ADAM12: variants seen among roughly 807,000 people sequenced by gnomAD.
The protein encoded by ADAM12 is disintegrin and metalloproteinase domain-containing protein 12.
A neutral mutation model predicts 106.4 loss-of-function variants in ADAM12; 70 were observed. The ratio of observed to expected loss-of-function variants is 0.66; its 90% CI spans 0.54 to 0.80. The LOEUF (loss-of-function observed/expected upper bound fraction) is 0.80, where lower values mean the gene tolerates loss of function less well. ADAM12 is among the 30% of genes least tolerant of loss of function. The pLI, the probability that ADAM12 is intolerant of heterozygous loss-of-function variation, is 0.00. For missense variants in ADAM12, 1,010 were observed against 1,171.9 expected (o/e 0.86, Z 2.02); for synonymous variants, 420 against 433.5 (o/e 0.97, Z 0.39).
At chr10:126,280,803 C>T (rs1959537608) in intron 2 of ADAM12, among the ~76,000 whole-genome samples, 1 of 152,118 alleles carries the variant, frequency 6.6e-6, no homozygotes, top group South Asian at 2.1e-4. Context: ...TCTGGGTTTA[C>T]ACAGGCCTTG....
intron 21 of ADAM12, among the ~76,000 whole-genome samples, chr10:126,024,861 AAGC>A (rs1460668189): frequency 1.3e-3 from 199 of 151,776 alleles, no homozygotes; most frequent in African/African-American, 4.7e-3. Context: ...CAAAAAAAAA[AAGC>A]AGGGTGAGGC....
intron 11 of ADAM12, among the ~76,000 whole-genome samples, chr10:126,086,249 A>C (rs1485703208): frequency 2.0e-5 from 3 of 152,266 alleles, no homozygotes; most frequent in East Asian, 3.9e-4. Flanking sequence ...CATAAAGCCC[A>C]GATGTGTTCA....
At chr10:126,352,154 C>T (rs1406428106) in intron 1 of ADAM12, among the ~76,000 whole-genome samples, 7 of 152,136 alleles carry the variant, frequency 4.6e-5, no homozygotes, top group Non-Finnish European at 1.0e-4. Flanking sequence ...CCCGTCAAGC[C>T]CTCTAATTAG....
At chr10:126,249,343 G>T (rs74430517) in intron 3 of ADAM12, among the ~76,000 whole-genome samples, 1 of 152,156 alleles carries the variant, frequency 6.6e-6, no homozygotes. Flanking sequence ...GGTGGTGATG[G>T]GGAGTGCATT....
At chr10:126,022,038 G>A (rs1953777108) in intron 21 of ADAM12, among the ~76,000 whole-genome samples, 1 of 152,196 alleles carries the variant, frequency 6.6e-6, no homozygotes, top group Non-Finnish European at 1.5e-5. Context: ...TGCTAAGTAT[G>A]ACTAAGCTGT....
Position 126,017,177 on chromosome 10 carries a change from A to T in ADAM12, c.*102T>A. 4 of 1,091,478 alleles carry T rather than the reference A, an allele frequency of 3.7e-6. No homozygotes were observed. Among genetic ancestry groups the T allele is most frequent in the South Asian group, 1.5e-5 (1 of 66,902 alleles). The allele number at this position is 1,091,478 out of a possible 1,614,324, so 67.6% of individuals were successfully genotyped here. On this transcript the variant is annotated 3_prime_UTR_variant, in exon 23 of 23. Coordinates refer to ENST00000448723, the MANE Select transcript of ADAM12 (RefSeq NM_001288973.2). Reference sequence around the variant, plus strand: ...AAAGTTCTTATAGTAATGATGTTTTAAACATTAAAAAAAATCCTAAAAGTT... The same window carrying T: ...AAAGTTCTTATAGTAATGATGTTTTTAACATTAAAAAAAATCCTAAAAGTT...
intron 3 of ADAM12, among the ~76,000 whole-genome samples, chr10:126,219,562 T>G (rs1447839547): frequency 6.6e-6 from 1 of 152,232 alleles, no homozygotes; most frequent in Non-Finnish European, 1.5e-5. Flanking sequence ...TATTATATTT[T>G]AACAACTCAG....
chr10:126,184,065 T>G (rs1257447201), intron 3 of ADAM12, among the ~76,000 whole-genome samples: 1 of 152,244 alleles, frequency 6.6e-6, no homozygotes, highest in Non-Finnish European at 1.5e-5. Flanking sequence ...CCAAGGAATC[T>G]GGACCTAGTC....
At chr10:126,124,468 G>A (rs1040984706) in intron 5 of ADAM12, among the ~76,000 whole-genome samples, 14 of 152,032 alleles carry the variant, frequency 9.2e-5, no homozygotes, top group African/African-American at 3.1e-4. Context: ...TTTACTATGC[G>A]CGAGACACTA....
intron 8 of ADAM12, among the ~76,000 whole-genome samples, chr10:126,102,379 A>G (rs964623451): frequency 8.5e-5 from 13 of 152,224 alleles, no homozygotes; most frequent in African/African-American, 3.1e-4. Context: ...GCCAAGCACC[A>G]GATGAAAGCA....
At chr10:126,067,292 A>G (rs535678496) in intron 12 of ADAM12, among the ~76,000 whole-genome samples, 9 of 152,250 alleles carry the variant, frequency 5.9e-5, no homozygotes, top group Non-Finnish European at 1.2e-4. Context: ...TTCAACCACA[A>G]TTCCCTGCAA....
intron 4 of ADAM12, among the ~76,000 whole-genome samples, chr10:126,144,147 C>T (rs951824292): frequency 2.6e-5 from 4 of 152,150 alleles, no homozygotes; most frequent in African/African-American, 9.7e-5. Context: ...AGAGAACAAA[C>T]GCTTACAAAA....
At chr10:126,166,482 G>C (rs912237767) in intron 3 of ADAM12, among the ~76,000 whole-genome samples, 3 of 146,796 alleles carry the variant, frequency 2.0e-5, no homozygotes, top group Non-Finnish European at 4.6e-5. Context: ...TACCATTTCA[G>C]GCAGGTTTCT....
chr10:126,295,360 C>T (rs1960320738), intron 2 of ADAM12, among the ~76,000 whole-genome samples: 1 of 152,132 alleles, frequency 6.6e-6, no homozygotes, highest in African/African-American at 2.4e-5. Flanking sequence ...ACATAAGAAG[C>T]ACTTCATGTG....
intron 2 of ADAM12, among the ~76,000 whole-genome samples, chr10:126,310,240 A>G (rs1466888494): frequency 2.0e-5 from 3 of 151,986 alleles, no homozygotes; most frequent in African/African-American, 4.8e-5. Flanking sequence ...AAAAACAAGC[A>G]GACAGAAGAC....
chr10:126,190,976 T>C (rs1215750743), intron 3 of ADAM12, among the ~76,000 whole-genome samples: 1 of 143,188 alleles, frequency 7.0e-6, no homozygotes, highest in Non-Finnish European at 1.5e-5. Context: ...TGAGTTGCCA[T>C]GAGGAGTTTT....
chr10:126,206,997 G>A (rs764248083), intron 3 of ADAM12, among the ~76,000 whole-genome samples: 18 of 152,146 alleles, frequency 1.2e-4, no homozygotes, highest in African/African-American at 2.2e-4. Flanking sequence ...CTTTTCTCTC[G>A]TCTGCTGCCA....
At chr10:126,115,541 C>T (rs1955965676) in intron 6 of ADAM12, among the ~76,000 whole-genome samples, 1 of 152,128 alleles carries the variant, frequency 6.6e-6, no homozygotes, top group African/African-American at 2.4e-5. Flanking sequence ...AAATGACAAA[C>T]AATAGCTCAG....
Position 126,205,083 on chromosome 10 carries a change from C to T in ADAM12, c.261-49778G>A, listed in dbSNP as rs80189327. On this transcript the variant is annotated intron_variant, in intron 3 of 22. Coordinates refer to ENST00000448723, the MANE Select transcript of ADAM12 (RefSeq NM_001288973.2). ...AGATGGTACCTTTCCCCTGGAGTTC[C>T]ATAGCTAATACTGTGTGATCTGTGG... Among the ~76,000 whole-genome samples the T allele has an allele frequency of 3.3e-4, 50 of 152,192 alleles. 1 individual carries two copies. In the East Asian group the frequency reaches 8.5e-3, roughly 26 times the overall value.
Sources: gnomAD v4.1 joint callset for allele counts (sites outside exome capture counted in the v4.1 genomes callset) on GRCh38, gnomAD v4.1.1 for gene constraint, MANE v1.5 for transcripts, NCBI Gene and HGNC (gene_info 2026-07-23, HGNC 2026-07-21) for gene names.